The following PCNP variants were observed in gnomAD, a reference collection of about 807,000 sequenced individuals.
PCNP encodes PEST proteolytic signal containing nuclear protein, also known as PEST proteolytic signal-containing nuclear protein.
Under a neutral mutation model 21.8 loss-of-function variants are expected in PCNP, and 6 were observed. The ratio of observed to expected loss-of-function variants is 0.28; its 90% CI spans 0.15 to 0.54. The LOEUF is 0.54. Among genes scored for constraint, PCNP ranks in the 20% least tolerant of loss-of-function variants. The pLI, the probability that PCNP is intolerant of heterozygous loss-of-function variation, is 0.95. For synonymous variants in PCNP, 67 were observed against 73.2 expected, an observed-to-expected ratio of 0.92 and a Z score of 0.43; for missense variants, 161 against 215.5, an observed-to-expected ratio of 0.75 and a Z score of 1.58.
chr3:101,591,794 C>G (rs1374090993), intron 4 of PCNP, among the ~76,000 whole-genome samples: 1 of 111,290 alleles, frequency 9.0e-6, no homozygotes, highest in African/African-American at 3.5e-5. Context: ...TTTTTTAAGA[C>G]AGGATCTAGC....
intron 3 of PCNP, among the ~76,000 whole-genome samples, chr3:101,589,558 G>A (rs535223163): frequency 2.0e-4 from 30 of 152,078 alleles, no homozygotes; most frequent in African/African-American, 3.9e-4. Flanking sequence ...TTACAGGCAC[G>A]CGCCACCACA....
At chr3:101,585,541 C>T (rs1445676988) in intron 3 of PCNP, 30 bp downstream of exon 3, 1 of 1,430,546 alleles carries the variant, frequency 7.0e-7, no homozygotes. Flanking sequence ...TGTTTTTTTA[C>T]TTTAACCAGT....
At chr3:101,581,831 C>G (rs1336199504) in intron 2 of PCNP, among the ~76,000 whole-genome samples, 3 of 152,144 alleles carry the variant, frequency 2.0e-5, no homozygotes, top group South Asian at 2.1e-4. Flanking sequence ...ACCTCTGACT[C>G]TGGGGTTCAA....
intron 2 of PCNP, 72 bp from the exon 3 acceptor site, chr3:101,585,365 T>C (rs1487144350): frequency 2.3e-6 from 2 of 865,664 alleles, no homozygotes; most frequent in East Asian, 5.2e-5. Flanking sequence ...CAAGATAAAT[T>C]ATTCATATCA....
intron 2 of PCNP, among the ~76,000 whole-genome samples, chr3:101,582,244 A>G (rs914076244): frequency 6.6e-6 from 1 of 152,036 alleles, no homozygotes; most frequent in African/African-American, 2.4e-5. Context: ...CACAAGGTCA[A>G]GAGATCGAGA....
At chr3:101,588,973 G>T (rs1935670609) in intron 3 of PCNP, among the ~76,000 whole-genome samples, 1 of 152,084 alleles carries the variant, frequency 6.6e-6, no homozygotes, top group South Asian at 2.1e-4. Context: ...TTATTTTGTG[G>T]GGATAGGCTT....
intron 1 of PCNP, among the ~76,000 whole-genome samples, chr3:101,579,246 A>G (rs1935100311): frequency 6.6e-6 from 1 of 152,126 alleles, no homozygotes; most frequent in South Asian, 2.1e-4. Context: ...AACTCCTAAG[A>G]TTGTGTGAGA....
intron 1 of PCNP, among the ~76,000 whole-genome samples, chr3:101,579,061 C>T (rs941751430): frequency 1.3e-5 from 2 of 151,874 alleles, no homozygotes; most frequent in African/African-American, 4.8e-5. Flanking sequence ...ATATGTATGC[C>T]TTCTACTGTT....
intron 3 of PCNP, among the ~76,000 whole-genome samples, chr3:101,586,572 G>C (rs866594115): frequency 5.5e-5 from 4 of 73,042 alleles, no homozygotes; most frequent in East Asian, 4.8e-4. Context: ...GTGTGTGTGT[G>C]AGAGAGAGAG....
At chr3:101,586,288 A>G (rs1407630132) in intron 3 of PCNP, among the ~76,000 whole-genome samples, 1 of 151,956 alleles carries the variant, frequency 6.6e-6, no homozygotes, top group African/African-American at 2.4e-5. Flanking sequence ...CTCAAAAAGC[A>G]TGTGGTCCAG....
chr3:101,586,622 T>TTTCTTGTTTCAGAGAGA (rs1935541759), intron 3 of PCNP, among the ~76,000 whole-genome samples: 4 of 134,486 alleles, frequency 3.0e-5, no homozygotes, highest in African/African-American at 8.2e-5. Flanking sequence ...AGAGAGAGAG[T>TTTCTTGTTTCAGAGAGA]GTGTCTTGCT....
At chr3:101,583,608 C>G (rs891693290) in intron 2 of PCNP, among the ~76,000 whole-genome samples, 1 of 151,456 alleles carries the variant, frequency 6.6e-6, no homozygotes, top group African/African-American at 2.4e-5. Context: ...AGAGTAAGAC[C>G]TTGTCTCAAA....
chr3:101,589,954 A>T (rs761554063), intron 3 of PCNP: 3 of 406,294 alleles, frequency 7.4e-6, no homozygotes, highest in Non-Finnish European at 1.3e-5. Context: ...AATGGGCAGC[A>T]TTTAGTAGCT....
At chr3:101,581,270 C>T (rs1189087691) in intron 2 of PCNP, among the ~76,000 whole-genome samples, 1 of 152,002 alleles carries the variant, frequency 6.6e-6, no homozygotes, top group African/African-American at 2.4e-5. Context: ...GACCTAACTG[C>T]ATAAATATTT....
chr3:101,585,869 A>G (rs1005965323), intron 3 of PCNP, among the ~76,000 whole-genome samples: 4 of 152,134 alleles, frequency 2.6e-5, no homozygotes, highest in South Asian at 2.1e-4. Flanking sequence ...CATGCATTCA[A>G]TTTTAAAAAG....
At chr3:101,592,134 T>G (rs1935842604) in intron 4 of PCNP, among the ~76,000 whole-genome samples, 1 of 151,606 alleles carries the variant, frequency 6.6e-6, no homozygotes, top group African/African-American at 2.4e-5. Flanking sequence ...CTGTAAAGTG[T>G]TTTTTGTTTT....
At chr3:101,585,621 T>C in intron 3 of PCNP, 110 bp downstream of exon 3, 1 of 623,348 alleles carries the variant, frequency 1.6e-6, no homozygotes. Flanking sequence ...TATAATAGTT[T>C]TTGTGTCTGT....
chr3:101,585,523 T>G lies in PCNP; in HGVS notation c.354+12T>G. On this transcript the variant is annotated intron_variant, in intron 3 of 4. Coordinates refer to ENST00000265260, the MANE Select transcript of PCNP (RefSeq NM_020357.3). ...ATGAAGATGAAGATGTAAGTTGATA[T>G]CGAGTTTTGTTTTTTTACTTTAACC... The G allele has an allele frequency of 1.3e-6, 2 of 1,581,732 alleles. No homozygotes were observed. The highest frequency in any genetic ancestry group is 1.7e-6 in the Non-Finnish European group (2 of 1,156,104).
At chr3:101,584,832 C>T (rs1255582238) in intron 2 of PCNP, among the ~76,000 whole-genome samples, 1 of 152,150 alleles carries the variant, frequency 6.6e-6, no homozygotes, top group Non-Finnish European at 1.5e-5. Flanking sequence ...GAAACCTCGT[C>T]TCTACTAAAT....
Sources: allele counts gnomAD v4.1 joint callset (sites outside exome capture counted in the v4.1 genomes callset), GRCh38; gene constraint gnomAD v4.1.1; transcripts MANE v1.5; gene names NCBI Gene and HGNC (gene_info 2026-07-23, HGNC 2026-07-21).